Variants in PARL observed in about 807,000 individuals in gnomAD.
The protein encoded by PARL is presenilin-associated rhomboid-like protein, mitochondrial.
Under a neutral mutation model 51.6 loss-of-function variants are expected in PARL, and 44 were observed. The ratio of observed to expected loss-of-function variants is 0.85; its 90% CI spans 0.67 to 1.10. The LOEUF (loss-of-function observed/expected upper bound fraction) is 1.10, where lower values mean the gene tolerates loss of function less well. PARL is among the 50% of genes least tolerant of loss of function. The probability of loss-of-function intolerance (pLI) is 0.00; values close to 1 mark genes in which losing one functional copy is unlikely to be tolerated. For missense variants in PARL, 441 were observed against 469.5 expected (o/e 0.94, Z 0.56); for synonymous variants, 172 against 164.0 (o/e 1.05, Z -0.37).
intron 5 of PARL, 129 bp downstream of exon 5, chr3:183,844,102 C>T: frequency 2.6e-6 from 2 of 759,402 alleles, no homozygotes; most frequent in East Asian, 2.5e-5. Flanking sequence ...GAGCTTACAG[C>T]CTATCCTCTG....
chr3:183,853,460 G>A lies in PARL; in HGVS notation c.512-9134C>T, dbSNP rs773005881. On this transcript the variant is annotated intron_variant, in intron 4 of 9. Coordinates refer to ENST00000317096, the MANE Select transcript of PARL (RefSeq NM_018622.7). Reference sequence around the variant, plus strand: ...ACGCCTGTAATCCCAGCTGAGGTGGGAAGAGTGCTTGAACCCAGGAGATGG... The same window carrying A: ...ACGCCTGTAATCCCAGCTGAGGTGGAAAGAGTGCTTGAACCCAGGAGATGG... Among the ~76,000 whole-genome samples the A allele has an allele frequency of 5.5e-4, 83 of 152,084 alleles. 2 individuals carry two copies. The highest frequency in any genetic ancestry group is 3.2e-3 in the Middle Eastern group (1 of 314).
intron 5 of PARL, among the ~76,000 whole-genome samples, chr3:183,842,807 C>CA (rs370931513): frequency 0.015 from 788 of 53,860 alleles, 46 homozygotes; most frequent in African/African-American, 0.042. Flanking sequence ...GACTCTATCT[C>CA]AAAAAAAAAA....
rs1729668222 is a variant in PARL at position 183,844,121 on chromosome 3, T to C, written c.607+110A>G. ...TTACAGCCTATCCTCTGCATTTTGC[T>C]TGTAGCTATTGATAGGTAATTCGTC... On this transcript the variant is annotated intron_variant, in intron 5 of 9. Transcript: ENST00000317096. The C allele has an allele frequency of 3.8e-6, 3 of 799,104 alleles. No individual in the cohort carries two copies. The East Asian group carries it at 7.3e-5, about 20-fold the overall frequency. The allele number at this position is 799,104 out of a possible 1,614,324, so 49.5% of individuals were successfully genotyped here. A position where few individuals can be genotyped will look rare whatever the true frequency, so the allele number is the denominator to read the frequency against.
chr3:183,829,271 G>A lies in PARL; in HGVS notation c.*327C>T, dbSNP rs373905312. 6.5e-5 allele frequency: 33 copies of A among 510,066 alleles called. No individual in the cohort carries two copies. The highest frequency in any genetic ancestry group is 3.8e-4 in the East Asian group (7 of 18,384). 31.6% of individuals were successfully genotyped at this position (510,066 alleles called of 1,614,324 possible). ...GAGGGTCCAAAGACAGGCAACCAGCGCCTTCATGTTCTGATCAGGCCTTTC... is the reference window on the plus strand; with the variant it reads ...GAGGGTCCAAAGACAGGCAACCAGCACCTTCATGTTCTGATCAGGCCTTTC... On this transcript the variant is annotated 3_prime_UTR_variant, in exon 10 of 10. Coordinates refer to ENST00000317096, the MANE Select transcript of PARL (RefSeq NM_018622.7).
chr3:183,861,777 T>A (rs1731858136), intron 4 of PARL, among the ~76,000 whole-genome samples: 1 of 152,146 alleles, frequency 6.6e-6, no homozygotes, highest in African/African-American at 2.4e-5. Flanking sequence ...TTAAAAAACT[T>A]AAAAAAAATT....
intron 3 of PARL, among the ~76,000 whole-genome samples, chr3:183,866,139 A>G (rs1732447456): frequency 6.6e-6 from 1 of 152,204 alleles, no homozygotes; most frequent in African/African-American, 2.4e-5. Flanking sequence ...TGCTAGGATT[A>G]TAGACTTGAG....
intron 4 of PARL, among the ~76,000 whole-genome samples, chr3:183,858,310 A>T (rs1323669281): frequency 6.6e-6 from 1 of 152,234 alleles, no homozygotes; most frequent in African/African-American, 2.4e-5. Flanking sequence ...TTGAAAAGGT[A>T]CAAGGAGAGA....
chr3:183,866,080 A>G (rs1431915694), intron 3 of PARL, among the ~76,000 whole-genome samples: 1 of 151,988 alleles, frequency 6.6e-6, no homozygotes, highest in African/African-American at 2.4e-5. Context: ...GGATTTCACT[A>G]TGTTGGCCAG....
chr3:183,880,618 T>C (rs57299858), intron 1 of PARL, among the ~76,000 whole-genome samples: 64,135 of 151,684 alleles, frequency 0.42, 14,018 homozygotes, highest in Middle Eastern at 0.55. Context: ...GCCAGGGTGG[T>C]CTCGAACTCC....
Position 183,840,603 on chromosome 3 carries a change from A to G in PARL, c.795T>C (p.Val265=). The change falls in exon 7 of 10, where the codon GTT becomes GTC. Residue 265 remains valine, a synonymous_variant. Transcript: ENST00000317096. Reference sequence around the variant, plus strand: ...GTGATGGTCCATATCTTCCTGTGGCAACTTTACCCACGTAACTGACAAAAT... The same window carrying G: ...GTGATGGTCCATATCTTCCTGTGGCGACTTTACCCACGTAACTGACAAAAT... ...ISNFVSYVGK[V]ATGRYGPSLG... 1 of 1,568,458 alleles carries G rather than the reference A, an allele frequency of 6.4e-7. No homozygotes were observed. The highest frequency in any genetic ancestry group is 8.7e-7 in the Non-Finnish European group (1 of 1,144,002).
chr3:183,855,927 G>T (rs542928316), intron 4 of PARL, among the ~76,000 whole-genome samples: 70 of 150,640 alleles, frequency 4.6e-4, no homozygotes, highest in African/African-American at 1.6e-3. Flanking sequence ...CTACATTCTA[G>T]CCTGGGTGAC....
chr3:183,867,816 C>T (rs773980477), intron 2 of PARL, 49 bp downstream of exon 2: 2 of 1,360,958 alleles, frequency 1.5e-6, no homozygotes, highest in South Asian at 1.2e-5. Context: ...AGTACTTTAA[C>T]ACTGCATTTC....
rs1305379762 is a variant in PARL at position 183,846,434 on chromosome 3, G to C, written c.512-2108C>G. On this transcript the variant is annotated intron_variant, in intron 4 of 9. Transcript: ENST00000317096. ...CTTGAACCCAGGAGGCGGAGGTTGA[G>C]GTGAGCCGAGATCACGCCATTGCAC... 8.5e-6 allele frequency: 6 copies of C among 706,950 alleles called. No individual in the cohort carries two copies. The Admixed American group carries it at 3.8e-4, about 45-fold the overall frequency. The allele number at this position is 706,950 out of a possible 1,614,324, so 43.8% of individuals were successfully genotyped here.
Position 183,840,552 on chromosome 3 carries a change from T to C in PARL, c.828+18A>G, listed in dbSNP as rs1437145204. Reference sequence around the variant, plus strand: ...TTTAAAAATTAAATTAAAAAAAATTTACAATAGAAATACTTACTGCACCAA... The same window carrying C: ...TTTAAAAATTAAATTAAAAAAAATTCACAATAGAAATACTTACTGCACCAA... On this transcript the variant is annotated intron_variant, in intron 7 of 9. Coordinates refer to ENST00000317096, the MANE Select transcript of PARL (RefSeq NM_018622.7). The C allele has an allele frequency of 2.4e-6, 3 of 1,233,248 alleles. No homozygotes were observed. Among genetic ancestry groups the C allele is most frequent in the Non-Finnish European group, 2.3e-6 (2 of 860,136 alleles). 76.4% of individuals were successfully genotyped at this position (1,233,248 alleles called of 1,614,324 possible).
chr3:183,866,782 A>G lies in PARL; in HGVS notation c.322-17T>C, dbSNP rs747149890. 1.3e-6 allele frequency: 2 copies of G among 1,521,558 alleles called. No individual in the cohort carries two copies. Among genetic ancestry groups the G allele is most frequent in the Non-Finnish European group, 1.8e-6 (2 of 1,099,186 alleles). 94.3% of individuals were successfully genotyped at this position (1,521,558 alleles called of 1,614,324 possible). ...GCCTGTAAACTATATAAAATTAGAT[A>G]TATTACAAAATAGATTTAAGAGGGA... On this transcript the variant is annotated splice_polypyrimidine_tract_variant and intron_variant, in intron 2 of 9. Transcript: ENST00000317096.
intron 1 of PARL, among the ~76,000 whole-genome samples, chr3:183,878,010 C>CGAACTCCTGAGCTCAAGT (rs1734039363): frequency 6.6e-6 from 1 of 152,116 alleles, no homozygotes; most frequent in Non-Finnish European, 1.5e-5. Context: ...AGGCCGGTCT[C>CGAACTCCTGAGCTCAAGT]GAACTCCTGA....
chr3:183,871,787 G>A (rs1733246828), intron 1 of PARL, among the ~76,000 whole-genome samples: 1 of 152,048 alleles, frequency 6.6e-6, no homozygotes, highest in Non-Finnish European at 1.5e-5. Flanking sequence ...TCTTGATTTA[G>A]GTGATAGTCA....
chr3:183,870,019 T>C (rs931744835), intron 1 of PARL, among the ~76,000 whole-genome samples: 17 of 151,532 alleles, frequency 1.1e-4, no homozygotes, highest in Non-Finnish European at 4.4e-5. Flanking sequence ...GGCTCACGCC[T>C]GTAATCCCAG....
intron 4 of PARL, among the ~76,000 whole-genome samples, chr3:183,857,387 T>C (rs1414955301): frequency 1.3e-5 from 2 of 152,232 alleles, no homozygotes; most frequent in East Asian, 3.8e-4. Context: ...CATTCTTCTA[T>C]GTATATTATA....
Sources: gnomAD v4.1 joint callset for allele counts (sites outside exome capture counted in the v4.1 genomes callset) on GRCh38, gnomAD v4.1.1 for gene constraint, MANE v1.5 for transcripts, NCBI Gene and HGNC (gene_info 2026-07-23, HGNC 2026-07-21) for gene names.